CWF19L1: variants seen among roughly 807,000 people sequenced by gnomAD.
CWF19L1 encodes the protein CWF19-like protein 1.
A neutral mutation model predicts 69.7 loss-of-function variants in CWF19L1; 60 were observed. The ratio of observed to expected loss-of-function variants is 0.86; its 90% CI spans 0.70 to 1.07. The LOEUF is 1.07. CWF19L1 is among the 50% of genes least tolerant of loss of function. The pLI, the probability that CWF19L1 is intolerant of heterozygous loss-of-function variation, is 0.00. For synonymous variants in CWF19L1, 209 were observed against 222.2 expected, an observed-to-expected ratio of 0.94 and a Z score of 0.53; for missense variants, 591 against 638.9, an observed-to-expected ratio of 0.92 and a Z score of 0.81.
At position 100,253,640 on chromosome 10, in the gene CWF19L1, A is replaced by G. The variant is rs867285918; in HGVS notation, c.505-101T>C. 5.9e-5 allele frequency: 43 copies of G among 727,200 alleles called. No individual in the cohort carries two copies. The Middle Eastern group carries it at 1.7e-3, about 29-fold the overall frequency. The allele number at this position is 727,200 out of a possible 1,614,324, so 45.0% of individuals were successfully genotyped here. A position where few individuals can be genotyped will look rare whatever the true frequency, so the allele number is the denominator to read the frequency against. ...AAATGTCTTTGAAATTTATACATGA[A>G]TACAGATGTGGACAGAAGGAACTGC... On this transcript the variant is annotated intron_variant, in intron 5 of 13. Coordinates refer to ENST00000354105, the MANE Select transcript of CWF19L1 (RefSeq NM_018294.6).
At chr10:100,235,389 G>A (rs1026647319) in intron 13 of CWF19L1, among the ~76,000 whole-genome samples, 4 of 152,168 alleles carry the variant, frequency 2.6e-5, no homozygotes, top group African/African-American at 9.7e-5. Flanking sequence ...ATGCCTCTCA[G>A]GTTCAACTTT....
At chr10:100,254,846 G>A (rs962853592) in intron 5 of CWF19L1, among the ~76,000 whole-genome samples, 3 of 151,874 alleles carry the variant, frequency 2.0e-5, no homozygotes, top group Admixed American at 6.6e-5. Context: ...CTATATCCTT[G>A]TGCTCCAACC....
chr10:100,249,105 A>C, intron 7 of CWF19L1: 1 of 488,776 alleles, frequency 2.0e-6, no homozygotes, highest in Non-Finnish European at 3.8e-6. Flanking sequence ...CCGCAGGCCA[A>C]CTGGGCCACA....
At chr10:100,253,663 T>C in intron 5 of CWF19L1, 124 bp from the exon 6 acceptor site, 2 of 606,198 alleles carry the variant, frequency 3.3e-6, no homozygotes, top group Admixed American at 3.0e-5. Context: ...CAGAAGGAAC[T>C]GCACATTGAA....
intron 7 of CWF19L1, chr10:100,248,834 C>G: frequency 1.6e-6 from 2 of 1,235,400 alleles, no homozygotes; most frequent in East Asian, 2.3e-5. Flanking sequence ...CAGCGGGAAG[C>G]AGAGAGCACC....
At chr10:100,240,937 G>A (rs1425377411) in intron 10 of CWF19L1, among the ~76,000 whole-genome samples, 1 of 148,090 alleles carries the variant, frequency 6.8e-6, no homozygotes, top group African/African-American at 2.5e-5. Context: ...TGGCTCAGTT[G>A]TGTCACCGGC....
chr10:100,242,573 C>T (rs930944309), intron 10 of CWF19L1, among the ~76,000 whole-genome samples: 1 of 151,440 alleles, frequency 6.6e-6, no homozygotes, highest in African/African-American at 2.4e-5. Flanking sequence ...ACTTGGGAAG[C>T]TTAGGCAGGA....
At chr10:100,248,936 C>A in intron 7 of CWF19L1, 1 of 804,102 alleles carries the variant, frequency 1.2e-6, no homozygotes. Flanking sequence ...ATCGCCAACT[C>A]ACTGGCCACC....
In CWF19L1 at chr10:100,256,421, C is replaced by T. The variant is rs1168426753; in HGVS notation, c.345G>A (p.Gly115=). The change falls in exon 5 of 14, where the codon GGG becomes GGA. Residue 115 remains glycine, a synonymous_variant. Transcript: ENST00000354105. ...GTACTGGCTCATTTAAGGATTCTGT[C>T]CCACTGAGGTACACAATCTGCAGCC... ...SSGLQIVYLS[G]TESLNEPVPG... is the part of the protein sequence containing the mutation. 5 of 1,614,030 alleles carry T rather than the reference C, an allele frequency of 3.1e-6. No individual in the cohort carries two copies. The African/African-American group carries it at 5.3e-5, about 17-fold the overall frequency.
At chr10:100,261,123 T>C in intron 2 of CWF19L1, 79 bp from the exon 3 acceptor site, 1 of 904,860 alleles carries the variant, frequency 1.1e-6, no homozygotes, top group Non-Finnish European at 1.7e-6. Flanking sequence ...ATTCAACTAG[T>C]TATTTAATAG....
At chr10:100,258,153 G>A (rs1589630816) in intron 4 of CWF19L1, among the ~76,000 whole-genome samples, 1 of 152,138 alleles carries the variant, frequency 6.6e-6, no homozygotes, top group East Asian at 1.9e-4. Context: ...CAGAAGAATC[G>A]CTTGAATCCG....
At position 100,245,808 on chromosome 10, in the gene CWF19L1, G is replaced by A. The variant is rs201952074; in HGVS notation, c.955C>T (p.Arg319Cys). The A allele has an allele frequency of 1.2e-5, 19 of 1,613,190 alleles. No individual in the cohort carries two copies. The highest frequency in any genetic ancestry group is 1.4e-5 in the Non-Finnish European group (17 of 1,179,224). The change falls in exon 9 of 14, where the codon CGC becomes TGC. Residue 319 changes from arginine (R) to cysteine (C), a missense_variant. Arg to Cys is a radical substitution (Grantham distance 180, BLOSUM62 -3). Coordinates refer to ENST00000354105, the MANE Select transcript of CWF19L1 (RefSeq NM_018294.6). The stretch of plus-strand genomic sequence containing the variant: ...GAATAAAGGTACTTACGAGGTTTGC[G>A]AGGCTGCTTTGGATGAGGAGAAGAT... ...SKSSPHPKQP[R>C]KPPQPPGPCW...
chr10:100,234,615 T>TG (rs1279340477), intron 13 of CWF19L1, among the ~76,000 whole-genome samples: 1 of 152,200 alleles, frequency 6.6e-6, no homozygotes, highest in Non-Finnish European at 1.5e-5. Context: ...GGCAATCTCT[T>TG]GGAGGCTTTC....
intron 7 of CWF19L1, among the ~76,000 whole-genome samples, chr10:100,249,269 A>C (rs772462262): frequency 3.3e-5 from 5 of 152,238 alleles, no homozygotes; most frequent in Non-Finnish European, 7.3e-5. Context: ...TGAAAAAAAC[A>C]AAATATCGAT....
chr10:100,248,616 G>T lies in CWF19L1; in HGVS notation c.708+1632C>A, dbSNP rs987010736. 4.9e-5 allele frequency: 37 copies of T among 748,132 alleles called. No homozygotes were observed. The African/African-American group carries it at 5.1e-4, about 10-fold the overall frequency. 46.3% of individuals were successfully genotyped at this position (748,132 alleles called of 1,614,324 possible). On this transcript the variant is annotated intron_variant, in intron 7 of 13. Transcript: ENST00000354105. ...AGGATTATGATAAGCGTGTGCTGCT[G>T]TCCATCACTACTGAGATCCTCAAGT...
rs920090174 is a variant in CWF19L1 at position 100,262,541 on chromosome 10, C to T, written c.24-478G>A. On this transcript the variant is annotated intron_variant, in intron 1 of 13. Coordinates refer to ENST00000354105, the MANE Select transcript of CWF19L1 (RefSeq NM_018294.6). Reference sequence around the variant, plus strand: ...CCTACCATACGCTAAGTACAATATGCCAAGTATACTATGCTAAAAACATGT... The same window carrying T: ...CCTACCATACGCTAAGTACAATATGTCAAGTATACTATGCTAAAAACATGT... The T allele has an allele frequency of 1.8e-5, 15 of 837,068 alleles. No homozygotes were observed. In the African/African-American group the frequency reaches 2.0e-4, roughly 11 times the overall value. 51.9% of individuals were successfully genotyped at this position (837,068 alleles called of 1,614,324 possible).
intron 2 of CWF19L1, among the ~76,000 whole-genome samples, chr10:100,261,492 T>C (rs1433330960): frequency 1.3e-5 from 2 of 152,250 alleles, no homozygotes; most frequent in African/African-American, 4.8e-5. Flanking sequence ...TTCCTGCCTG[T>C]TGTCTTTACC....
At position 100,239,707 on chromosome 10, in the gene CWF19L1, G is replaced by C. The variant is rs542819348; in HGVS notation, c.1045-1476C>G. On this transcript the variant is annotated intron_variant, in intron 10 of 13. Coordinates refer to ENST00000354105, the MANE Select transcript of CWF19L1 (RefSeq NM_018294.6). ...GGGCTCAAAGTTAAGGCTGAAGGAA[G>C]GAATCACTTCTCATCTATAATAAGA... Among the ~76,000 whole-genome samples the C allele has an allele frequency of 2.0e-5, 3 of 152,208 alleles. No individual in the cohort carries two copies. The South Asian group carries it at 6.2e-4, about 32-fold the overall frequency.
chr10:100,235,465 A>G (rs569803164), intron 13 of CWF19L1, among the ~76,000 whole-genome samples: 182 of 152,264 alleles, frequency 1.2e-3, no homozygotes, highest in African/African-American at 4.1e-3. Context: ...TCTACAGCAC[A>G]TTGTTCTCCA....
Sources: gnomAD v4.1 joint callset for allele counts (sites outside exome capture counted in the v4.1 genomes callset) on GRCh38, gnomAD v4.1.1 for gene constraint, MANE v1.5 for transcripts, NCBI Gene and HGNC (gene_info 2026-07-23, HGNC 2026-07-21) for gene names.